The following IL1RAPL2 variants were observed in gnomAD, a reference collection of about 807,000 sequenced individuals.
IL1RAPL2 encodes the protein X-linked interleukin-1 receptor accessory protein-like 2.
Under a neutral mutation model 44.1 loss-of-function variants are expected in IL1RAPL2, and 3 were observed. That is an observed-to-expected ratio of 0.07 (90% CI 0.03 to 0.18). IL1RAPL2 has a LOEUF of 0.18. Ranked by LOEUF, IL1RAPL2 falls within the 10% of genes least tolerant of loss-of-function variation. IL1RAPL2 has a pLI of 1.00. For missense variants in IL1RAPL2, 391 were observed against 496.4 expected (o/e 0.79, Z 2.02); for synonymous variants, 181 against 178.8 (o/e 1.01, Z -0.10).
rs1928349573 is a variant in IL1RAPL2, at chrX:104,581,735, A to C, written c.-20+14684A>C. Among the ~76,000 whole-genome samples, 6 of 111,178 alleles carry C rather than the reference A, an allele frequency of 5.4e-5. 1 individual carries two copies. In the South Asian group the frequency reaches 2.3e-3, roughly 42 times the overall value. ...AAGAACCCGATAGGCTTCATATACT[A>C]TACTATTCGCTGGGAACTTCTGACC... On this transcript the variant is annotated intron_variant, in intron 1 of 10. Coordinates refer to ENST00000372582, the MANE Select transcript of IL1RAPL2 (RefSeq NM_017416.2).
chrX:104,607,860 C>G (rs371296231), intron 1 of IL1RAPL2, among the ~76,000 whole-genome samples: 1 of 111,685 alleles, frequency 9.0e-6, no homozygotes, highest in African/African-American at 3.3e-5. Context: ...ACCATTTGAC[C>G]CAGCAATCCC....
chrX:105,606,179 C>T (rs2037291505), intron 6 of IL1RAPL2, among the ~76,000 whole-genome samples: 1 of 111,349 alleles, frequency 9.0e-6, no homozygotes, highest in South Asian at 3.7e-4. Context: ...AATTAATATG[C>T]AGAATATACA....
intron 9 of IL1RAPL2, among the ~76,000 whole-genome samples, chrX:105,750,204 T>C (rs889485727): frequency 2.7e-5 from 3 of 109,527 alleles, no homozygotes; most frequent in African/African-American, 9.9e-5. Context: ...CATATTTTCA[T>C]AGTAAATTAC....
chrX:105,403,996 A>G (rs2035624185), intron 5 of IL1RAPL2, among the ~76,000 whole-genome samples: 1 of 112,331 alleles, frequency 8.9e-6, no homozygotes, highest in African/African-American at 3.2e-5. Context: ...AACTTCTTAT[A>G]GATGGTATAC....
At chrX:105,506,737 G>A (rs916732756) in intron 6 of IL1RAPL2, among the ~76,000 whole-genome samples, 1 of 111,957 alleles carries the variant, frequency 8.9e-6, no homozygotes, top group Non-Finnish European at 1.9e-5. Context: ...GAGATTATAA[G>A]TCGTAAGATC....
At chrX:105,143,579 G>C (rs1428111358) in intron 2 of IL1RAPL2, among the ~76,000 whole-genome samples, 3 of 111,947 alleles carry the variant, frequency 2.7e-5, no homozygotes, top group East Asian at 2.8e-4. Flanking sequence ...ATTTGACCCA[G>C]CCATCCCATT....
intron 2 of IL1RAPL2, among the ~76,000 whole-genome samples, chrX:104,707,970 A>G (rs1450905839): frequency 1.8e-5 from 2 of 111,585 alleles, no homozygotes; most frequent in Non-Finnish European, 3.8e-5. Flanking sequence ...TTGGGCAAAC[A>G]TTTACTGGGA....
At chrX:104,668,451 T>C (rs1184576159) in intron 2 of IL1RAPL2, among the ~76,000 whole-genome samples, 1 of 104,173 alleles carries the variant, frequency 9.6e-6, no homozygotes, top group Non-Finnish European at 2.0e-5. Context: ...GCATTAGGTA[T>C]ATCTCCTAAT....
At chrX:105,445,050 A>G (rs756033224) in intron 5 of IL1RAPL2, among the ~76,000 whole-genome samples, 3 of 111,695 alleles carry the variant, frequency 2.7e-5, no homozygotes, top group South Asian at 3.7e-4. Context: ...GAGACTTTCT[A>G]TTATGGCTTT....
At chrX:104,913,430 A>G (rs1050303193) in intron 2 of IL1RAPL2, among the ~76,000 whole-genome samples, 3 of 111,720 alleles carry the variant, frequency 2.7e-5, no homozygotes, top group African/African-American at 9.8e-5. Flanking sequence ...ATATCACTTC[A>G]GGTCCCTGAG....
chrX:105,313,534 T>C (rs763978751), intron 5 of IL1RAPL2, among the ~76,000 whole-genome samples: 3 of 111,445 alleles, frequency 2.7e-5, no homozygotes, highest in African/African-American at 6.5e-5. Context: ...AGTTAAACCA[T>C]TGAGCTCCTA....
chrX:105,192,728 G>C (rs1410857219), intron 2 of IL1RAPL2, among the ~76,000 whole-genome samples: 1 of 59,076 alleles, frequency 1.7e-5, no homozygotes, highest in Non-Finnish European at 3.1e-5. Context: ...AATTCCCTGA[G>C]ATCTCTTGAA....
intron 1 of IL1RAPL2, among the ~76,000 whole-genome samples, chrX:104,593,654 T>G (rs1031358690): frequency 2.0e-4 from 23 of 112,310 alleles, no homozygotes; most frequent in African/African-American, 6.8e-4. Flanking sequence ...CTCCCCATCC[T>G]TCTTTCACTT....
rs2032353537 is a variant in IL1RAPL2, at chrX:105,078,738, C to T, written c.83-116737C>T. Among the ~76,000 whole-genome samples, 2 of 112,107 alleles carry T rather than the reference C, an allele frequency of 1.8e-5. 1 individual carries two copies. Among genetic ancestry groups the T allele is most frequent in the South Asian group, 7.4e-4 (2 of 2,699 alleles). ...TACTCAAGCCTGAGCAATGCGGTCG[C>T]CCCTCCCCCAGCCTCGCTGCCACCT... On this transcript the variant is annotated intron_variant, in intron 2 of 10. Coordinates refer to ENST00000372582, the MANE Select transcript of IL1RAPL2 (RefSeq NM_017416.2).
chrX:104,841,061 C>T (rs766153611), intron 2 of IL1RAPL2, among the ~76,000 whole-genome samples: 3 of 111,155 alleles, frequency 2.7e-5, no homozygotes, highest in Non-Finnish European at 5.7e-5. Flanking sequence ...TTTTATGAAT[C>T]TGGGTGCTCC....
chrX:105,126,411 C>G (rs949990877), intron 2 of IL1RAPL2, among the ~76,000 whole-genome samples: 1 of 110,854 alleles, frequency 9.0e-6, no homozygotes, highest in African/African-American at 3.3e-5. Context: ...CCTCCCATGA[C>G]TCATTGCTCA....
At chrX:105,658,961 C>CAAAA (rs1157609868) in intron 6 of IL1RAPL2, among the ~76,000 whole-genome samples, 1 of 37,856 alleles carries the variant, frequency 2.6e-5, no homozygotes, top group Non-Finnish European at 4.8e-5. Flanking sequence ...GACTCCGTCT[C>CAAAA]AAAAAAAAAA....
intron 2 of IL1RAPL2, among the ~76,000 whole-genome samples, chrX:104,815,412 C>T (rs775369972): frequency 9.0e-6 from 1 of 110,629 alleles, no homozygotes; most frequent in Admixed American, 9.6e-5. Context: ...ACTGTGGTAC[C>T]CTTCCATCTT....
In IL1RAPL2 at chrX:105,267,451, G is replaced by C. The variant is rs1356086837; in HGVS notation, c.607G>C (p.Glu203Gln). The C allele has an allele frequency of 4.2e-6, 5 of 1,196,140 alleles. No homozygotes were observed. In the African/African-American group the frequency reaches 7.0e-5, roughly 17 times the overall value. The change falls in exon 5 of 11, where the codon GAA becomes CAA. Residue 203 changes from glutamate to glutamine, a missense_variant. By Grantham distance (29) the Glu-to-Gln change is conservative. Coordinates refer to ENST00000372582, the MANE Select transcript of IL1RAPL2 (RefSeq NM_017416.2). ...GAAAGGAAATGCTCTTCTGATCCAAGAAGTTCAAGAAGAAGATGGAGGAAA... is the reference window on the plus strand; with the variant it reads ...GAAAGGAAATGCTCTTCTGATCCAACAAGTTCAAGAAGAAGATGGAGGAAA... The part of the protein sequence containing the change: ...IQKGNALLIQ[E>Q]VQEEDGGNYT...
Sources: allele counts gnomAD v4.1 joint callset (sites outside exome capture counted in the v4.1 genomes callset), GRCh38; gene constraint gnomAD v4.1.1; transcripts MANE v1.5; gene names NCBI Gene and HGNC (gene_info 2026-07-23, HGNC 2026-07-21).